Variants in BRD9 observed in about 807,000 individuals in gnomAD.
BRD9 encodes the protein bromodomain containing 9, also known as bromodomain-containing protein 9.
In BRD9, 47 loss-of-function variants were observed where a neutral mutation model predicts 68.7. That is an observed-to-expected ratio of 0.68 (90% CI 0.54 to 0.87). BRD9 has a LOEUF of 0.87. Ranked by LOEUF, BRD9 falls within the 40% of genes least tolerant of loss-of-function variation. The pLI is 0.00. For synonymous variants in BRD9, 313 were observed against 293.9 expected (o/e 1.06, Z -0.67); for missense variants, 670 against 748.4 (o/e 0.90, Z 1.22).
chr5:884,149 C>T, intron 7 of BRD9, 79 bp from the exon 8 acceptor site: 2 of 1,552,104 alleles, frequency 1.3e-6, no homozygotes, highest in Non-Finnish European at 1.7e-6. Context: ...GGCACCTAAC[C>T]CAGCTTCTAC....
rs369469454 is a variant in BRD9 at position 883,970 on chromosome 5, C to G, written c.934G>C (p.Asp312His). Residue 312 changes from aspartate to histidine, a missense_variant, in exon 8 of 16, where the codon GAC becomes CAC. By Grantham distance (81) the Asp-to-His change is moderately conservative. Around this residue, in one of 5 missense-constraint regions of BRD9, gnomAD observed 135 missense variants for 141.2 expected, o/e 0.96. Transcript: ENST00000467963. ...LVEHAADEAR[D>H]RINRFLPGGK... ...CCTGGGAGGAACCGGTTGATCCTGT[C>G]CCGAGCTTCGTCAGCTGCGTGCTCC... 69 of 1,613,236 alleles carry G rather than the reference C, an allele frequency of 4.3e-5. No individual in the cohort carries two copies. Among genetic ancestry groups the G allele is most frequent in the Admixed American group, 2.3e-4 (14 of 60,004 alleles).
Position 887,482 on chromosome 5 carries a change from A to C in BRD9, c.607-11T>G. 6.3e-7 allele frequency: 1 copy of C among 1,599,528 alleles called. No individual in the cohort carries two copies. The highest frequency in any genetic ancestry group is 8.6e-7 in the Non-Finnish European group (1 of 1,167,210). On this transcript the variant is annotated splice_polypyrimidine_tract_variant and intron_variant, in intron 5 of 15. Transcript: ENST00000467963. ...CAGCTTGAAATCTGCCTGAAAAGAA[A>C]ACAGGAAAGACTTATCAGGTTTGAA...
chr5:880,853 C>G (rs1476481725), intron 9 of BRD9, among the ~76,000 whole-genome samples: 1 of 152,268 alleles, frequency 6.6e-6, no homozygotes, highest in Non-Finnish European at 1.5e-5. Context: ...GGCAGCTTTT[C>G]AGGAACATGG....
At chr5:883,888 G>A (rs982341376) in intron 8 of BRD9, 50 bp downstream of exon 8, 2 of 1,588,240 alleles carry the variant, frequency 1.3e-6, no homozygotes, top group East Asian at 2.2e-5. Flanking sequence ...GAGGCACACA[G>A]AGAGTCTGGG....
intron 12 of BRD9, among the ~76,000 whole-genome samples, chr5:874,600 G>A (rs1750632698): frequency 6.6e-6 from 1 of 152,186 alleles, no homozygotes; most frequent in African/African-American, 2.4e-5. Context: ...ACCGGAAACG[G>A]CAGAGGCGAC....
intron 13 of BRD9, among the ~76,000 whole-genome samples, chr5:871,020 A>G (rs1750058561): frequency 6.6e-6 from 1 of 152,236 alleles, no homozygotes; most frequent in African/African-American, 2.4e-5. Flanking sequence ...AGCTCCCTGC[A>G]GCTCGGCCTC....
Position 886,690 on chromosome 5 carries a change from G to A in BRD9, c.735C>T (p.Gly245=), listed in dbSNP as rs1326114433. Reference sequence around the variant, plus strand: ...GTTCCTCAACAGCTGTATCTTCATTGCCCAAAAGAGCTGCCTGCTGAGAAA... The same window carrying A: ...GTTCCTCAACAGCTGTATCTTCATTACCCAAAAGAGCTGCCTGCTGAGAAA... ...KMMSKQAALL[G]NEDTAVEEPV... The change falls in exon 7 of 16, where the codon GGC becomes GGT. Residue 245 remains glycine (G), a synonymous_variant. Transcript: ENST00000467963. 2 of 1,613,968 alleles carry A rather than the reference G, an allele frequency of 1.2e-6. No individual in the cohort carries two copies. Among genetic ancestry groups the A allele is most frequent in the Non-Finnish European group, 1.7e-6 (2 of 1,180,018 alleles).
chr5:875,550 G>A (rs933255511), intron 12 of BRD9, among the ~76,000 whole-genome samples: 5 of 152,086 alleles, frequency 3.3e-5, no homozygotes, highest in African/African-American at 4.8e-5. Context: ...GGGTTTCACC[G>A]TGTTAGCCAG....
chr5:882,416 GACC>G (rs1457236123), intron 8 of BRD9: 2 of 154,100 alleles, frequency 1.3e-5, no homozygotes, highest in East Asian at 2.0e-4. Context: ...GAGCCACGCA[GACC>G]ACAACTTCCC....
Position 883,489 on chromosome 5 carries a change from A to C in BRD9, c.966+449T>G, listed in dbSNP as rs1043104568. 2.0e-5 allele frequency: 9 copies of C among 454,206 alleles called. No homozygotes were observed. In the Admixed American group the frequency reaches 2.1e-4, roughly 11 times the overall value. The allele number at this position is 454,206 out of a possible 1,614,324, so 28.1% of individuals were successfully genotyped here. ...GAGCGTGGTCAGCTGAGTGGGCCCC[A>C]CCACCACAAAGACCATCTGTGGCAG... On this transcript the variant is annotated intron_variant, in intron 8 of 15. Transcript: ENST00000467963.
At chr5:890,407 T>C (rs566233042) in intron 3 of BRD9, among the ~76,000 whole-genome samples, 2 of 152,316 alleles carry the variant, frequency 1.3e-5, no homozygotes, top group South Asian at 4.1e-4. Flanking sequence ...AACCACTGGA[T>C]GCTGAGAGTT....
intron 3 of BRD9, 60 bp from the exon 4 acceptor site, chr5:889,707 C>T (rs376161527): frequency 6.3e-7 from 1 of 1,598,986 alleles, no homozygotes; most frequent in African/African-American, 1.3e-5. Flanking sequence ...CATTAGAGAG[C>T]TCCAAGTTCA....
chr5:886,806 TC>T, intron 6 of BRD9, 99 bp from the exon 7 acceptor site: 1 of 1,588,606 alleles, frequency 6.3e-7, no homozygotes. Context: ...GATTTACCTC[TC>T]CCTCACAGCC....
chr5:878,218 G>A (rs1359945373), intron 11 of BRD9, 137 bp downstream of exon 11: 6 of 1,287,414 alleles, frequency 4.7e-6, no homozygotes, highest in African/African-American at 1.5e-5. Context: ...TGAAAGCAAC[G>A]GGAAGACCCA....
chr5:888,279 C>G (rs1580004723), intron 5 of BRD9: 1 of 152,434 alleles, frequency 6.6e-6, no homozygotes, highest in Admixed American at 6.5e-5. Context: ...GCAGGGAATA[C>G]AGAGGGCTTT....
At chr5:874,376 C>T (rs1393249671) in intron 12 of BRD9, among the ~76,000 whole-genome samples, 2 of 152,214 alleles carry the variant, frequency 1.3e-5, no homozygotes, top group Non-Finnish European at 2.9e-5. Context: ...CATAAGAAAT[C>T]GTTACTCATA....
intron 2 of BRD9, 86 bp from the exon 3 acceptor site, chr5:891,373 G>T (rs1580023371): frequency 1.3e-6 from 2 of 1,492,266 alleles, no homozygotes; most frequent in East Asian, 2.5e-5. Context: ...GTTCTCAGGG[G>T]AGGGACAGAA....
intron 5 of BRD9, among the ~76,000 whole-genome samples, chr5:887,752 C>T (rs1245422565): frequency 6.6e-6 from 1 of 152,186 alleles, no homozygotes; most frequent in Non-Finnish European, 1.5e-5. Context: ...GCGTTTCCTG[C>T]GCTTCTTGCA....
At chr5:865,882 A>G (rs1749315089) in intron 14 of BRD9, 3 of 286,864 alleles carry the variant, frequency 1.0e-5, no homozygotes, top group Non-Finnish European at 1.9e-5. Context: ...GGATGTGGCC[A>G]CAACCCAGGA....
Sources: allele counts gnomAD v4.1 joint callset (sites outside exome capture counted in the v4.1 genomes callset), GRCh38; gene constraint gnomAD v4.1.1; regional missense constraint gnomAD v4.1.1; transcripts MANE v1.5; gene names NCBI Gene and HGNC (gene_info 2026-07-23, HGNC 2026-07-21).